Variants in PELI2 observed in about 807,000 individuals in gnomAD.
PELI2 encodes the protein pellino E3 ubiquitin protein ligase family member 2.
A neutral mutation model predicts 42.3 loss-of-function variants in PELI2; 23 were observed. The ratio of observed to expected loss-of-function variants is 0.54; its 90% CI spans 0.39 to 0.77. The LOEUF is 0.77. Among genes scored for constraint, PELI2 ranks in the 30% least tolerant of loss-of-function variants. The probability of loss-of-function intolerance (pLI) is 0.00; values close to 1 mark genes in which losing one functional copy is unlikely to be tolerated. For missense variants in PELI2, 463 were observed against 553.2 expected, an observed-to-expected ratio of 0.84 and a Z score of 1.64; for synonymous variants, 245 against 212.2, an observed-to-expected ratio of 1.15 and a Z score of -1.34.
chr14:56,135,324 G>C lies in PELI2; in HGVS notation c.77+16587G>C, dbSNP rs183538391. On this transcript the variant is annotated intron_variant, in intron 1 of 5. Coordinates refer to ENST00000267460, the MANE Select transcript of PELI2 (RefSeq NM_021255.3). Reference sequence around the variant, plus strand: ...GTGGCTTAATGAATTTGTTCATTTAGTTTTGATTGGATTATAATAAGAGAC... The same window carrying C: ...GTGGCTTAATGAATTTGTTCATTTACTTTTGATTGGATTATAATAAGAGAC... 3.4e-4 allele frequency among the ~76,000 whole-genome samples: 52 copies of C among 152,304 alleles called. No homozygotes were observed. In the East Asian group the frequency reaches 0.01, roughly 29 times the overall value.
At chr14:56,247,142 A>G (rs976628737) in intron 2 of PELI2, among the ~76,000 whole-genome samples, 4 of 146,342 alleles carry the variant, frequency 2.7e-5, no homozygotes, top group African/African-American at 9.7e-5. Context: ...TTGCTATTAT[A>G]TGTACAAACA....
chr14:56,255,102 G>A (rs1409572227), intron 2 of PELI2, among the ~76,000 whole-genome samples: 1 of 152,166 alleles, frequency 6.6e-6, no homozygotes, highest in East Asian at 1.9e-4. Context: ...TCTAGAATCA[G>A]AAATACCATT....
At chr14:56,201,044 G>T (rs1453200950) in intron 2 of PELI2, among the ~76,000 whole-genome samples, 1 of 152,116 alleles carries the variant, frequency 6.6e-6, no homozygotes, top group East Asian at 1.9e-4. Context: ...ATTAAACTTG[G>T]TCTTTAAATG....
intron 1 of PELI2, among the ~76,000 whole-genome samples, chr14:56,162,898 C>T (rs547080644): frequency 1.2e-4 from 18 of 151,986 alleles, no homozygotes; most frequent in African/African-American, 4.3e-4. Context: ...GTATGTCTTT[C>T]TTTGAGAAAT....
In PELI2 at chr14:56,288,652, G is replaced by A. The variant is rs368054984; in HGVS notation, c.507+18G>A. ...TTCTTGGAGTAAGTACTGTCAAGAA[G>A]TACACGATTTCTAGAAAAATGCTTG... On this transcript the variant is annotated intron_variant, in intron 4 of 5. Transcript: ENST00000267460. This position sits in a 1 kb window ranked among gnomAD's most constrained non-coding sequence, Gnocchi z 4.6. 2.9e-5 allele frequency: 45 copies of A among 1,569,562 alleles called. No homozygotes were observed. The Middle Eastern group carries it at 6.7e-4, about 23-fold the overall frequency.
Position 56,262,866 on chromosome 14 carries a change from T to A in PELI2, c.208-16810T>A, listed in dbSNP as rs183628231. Among the ~76,000 whole-genome samples the A allele has an allele frequency of 2.6e-5, 4 of 152,346 alleles. No homozygotes were observed. In the East Asian group the frequency reaches 7.7e-4, roughly 29 times the overall value. On this transcript the variant is annotated intron_variant, in intron 2 of 5. Transcript: ENST00000267460. The stretch of plus-strand genomic sequence containing the variant: ...TACAGCCAGAATGTAAAAGTTTTAA[T>A]ATAGAATATGCTCAAGGGAAACCAT...
intron 2 of PELI2, among the ~76,000 whole-genome samples, chr14:56,236,485 C>T (rs560903454): frequency 5.7e-4 from 87 of 152,326 alleles, no homozygotes; most frequent in African/African-American, 2.0e-3. Context: ...ATATGCATGC[C>T]TTTAGTCTCA....
chr14:56,173,270 A>T (rs910052384), intron 1 of PELI2, among the ~76,000 whole-genome samples: 2 of 152,194 alleles, frequency 1.3e-5, no homozygotes, highest in Admixed American at 1.3e-4. Flanking sequence ...TTTTGTCTTT[A>T]AAACCAGGGT....
intron 2 of PELI2, among the ~76,000 whole-genome samples, chr14:56,201,681 T>A (rs1026468551): frequency 6.6e-6 from 1 of 152,226 alleles, no homozygotes; most frequent in African/African-American, 2.4e-5. Flanking sequence ...AAATGTCTTT[T>A]GCTTTTAGGG....
rs1431522279 is a variant in PELI2, at chr14:56,227,092, T to G, written c.207+48628T>G. ...ATTATCTAATAAAATATTAGTTATA[T>G]TTTATTTTAAAGATAGTTACCAAGT... On this transcript the variant is annotated intron_variant, in intron 2 of 5. Transcript: ENST00000267460. Among the ~76,000 whole-genome samples the G allele has an allele frequency of 2.0e-5, 3 of 152,348 alleles. No homozygotes were observed. The East Asian group carries it at 5.8e-4, about 29-fold the overall frequency.
Position 56,290,266 on chromosome 14 carries a change from A to G in PELI2, c.508-2A>G. 6.3e-7 allele frequency: 1 copy of G among 1,580,574 alleles called. No homozygotes were observed. Among genetic ancestry groups the G allele is most frequent in the Non-Finnish European group, 8.6e-7 (1 of 1,158,944 alleles). On this transcript the variant is annotated splice_acceptor_variant, in intron 4 of 5. Coordinates refer to ENST00000267460, the MANE Select transcript of PELI2 (RefSeq NM_021255.3). LOFTEE classifies it high-confidence loss of function. ...TTTTCTGTTCTGCTGTGTTCTCTCC[A>G]GGAAAAGGCAGCAAAGTGGAAAAAC...
chr14:56,192,530 A>G (rs890997734), intron 2 of PELI2, among the ~76,000 whole-genome samples: 19 of 152,154 alleles, frequency 1.2e-4, no homozygotes, highest in African/African-American at 4.6e-4. Flanking sequence ...TATGATTACC[A>G]AAAGATGTCT....
Position 56,123,191 on chromosome 14 carries a change from T to TA in PELI2, c.77+4458dup, listed in dbSNP as rs58941005. Among the ~76,000 whole-genome samples, 410 of 151,712 alleles carry TA rather than the reference T, an allele frequency of 2.7e-3. 1 individual carries two copies. Among genetic ancestry groups the TA allele is most frequent in the African/African-American group, 9.6e-3 (396 of 41,342 alleles). On this transcript the variant is annotated intron_variant, in intron 1 of 5. Transcript: ENST00000267460. ...GAGTTTATGGTCTTTTTTTTTTTTT[T>TA]AAAAGCAGGTCCCACTTTCTGTATG...
At chr14:56,202,044 G>A (rs1398576549) in intron 2 of PELI2, among the ~76,000 whole-genome samples, 2 of 152,186 alleles carry the variant, frequency 1.3e-5, no homozygotes, top group Non-Finnish European at 2.9e-5. Flanking sequence ...GAGGCACAGA[G>A]ATGCATGAGA....
chr14:56,268,020 A>G (rs1291258724), intron 2 of PELI2, among the ~76,000 whole-genome samples: 1 of 152,168 alleles, frequency 6.6e-6, no homozygotes. Context: ...AATTTATAGC[A>G]TTTGGAAGTT....
intron 3 of PELI2, among the ~76,000 whole-genome samples, chr14:56,285,164 C>T (rs2139885777): frequency 6.6e-6 from 1 of 152,172 alleles, no homozygotes; most frequent in South Asian, 2.1e-4. Flanking sequence ...AGTTTGGAGG[C>T]TAAGGTGATA....
chr14:56,246,393 G>A (rs1258961673), intron 2 of PELI2, among the ~76,000 whole-genome samples: 2 of 152,110 alleles, frequency 1.3e-5, no homozygotes, highest in Non-Finnish European at 2.9e-5. Flanking sequence ...TTTCTCTAAT[G>A]TTAATAACTA....
Position 56,286,489 on chromosome 14 carries a change from G to A in PELI2, c.310-1948G>A, listed in dbSNP as rs556327108. Among the ~76,000 whole-genome samples, 24 of 152,266 alleles carry A rather than the reference G, an allele frequency of 1.6e-4. 1 individual carries two copies. Among genetic ancestry groups the A allele is most frequent in the African/African-American group, 5.8e-4 (24 of 41,560 alleles). Reference sequence around the variant, plus strand: ...ATATATAAAATTTAACATGCTGAATGGAGCAAAGTTATCACTGTAGCTAGT... The same window carrying A: ...ATATATAAAATTTAACATGCTGAATAGAGCAAAGTTATCACTGTAGCTAGT... On this transcript the variant is annotated intron_variant, in intron 3 of 5. Transcript: ENST00000267460.
chr14:56,234,699 A>G (rs1313052576), intron 2 of PELI2, among the ~76,000 whole-genome samples: 2 of 152,176 alleles, frequency 1.3e-5, no homozygotes, highest in African/African-American at 4.8e-5. Flanking sequence ...ATGTATACAT[A>G]TGTAACAAAG....
Sources: gnomAD v4.1 joint callset for allele counts (sites outside exome capture counted in the v4.1 genomes callset) on GRCh38, gnomAD v4.1.1 for gene constraint, Gnocchi (gnomAD v3.1) non-coding constraint, MANE v1.5 for transcripts, NCBI Gene and HGNC (gene_info 2026-07-23, HGNC 2026-07-21) for gene names.